Variants in FNTB observed in about 807,000 individuals in gnomAD.
FNTB encodes protein farnesyltransferase subunit beta.
FNTB carries 27 observed loss-of-function variants against 59.4 expected under a neutral mutation model. The ratio of observed to expected loss-of-function variants is 0.45; its 90% confidence interval spans 0.34 to 0.63. FNTB has a LOEUF of 0.63. Ranked by LOEUF, FNTB falls within the 20% of genes least tolerant of loss-of-function variation. FNTB has a pLI of 0.02. For missense variants in FNTB, 449 were observed against 559.6 expected, an observed-to-expected ratio of 0.80 and a Z score of 1.99; for synonymous variants, 230 against 220.7, an observed-to-expected ratio of 1.04 and a Z score of -0.37.
At chr14:65,057,569 C>T (rs548736838) in intron 11 of FNTB, among the ~76,000 whole-genome samples, 2 of 152,226 alleles carry the variant, frequency 1.3e-5, no homozygotes, top group African/African-American at 2.4e-5. Flanking sequence ...GGGAAGCAGA[C>T]AAAAGGAGGC....
At chr14:64,988,230 C>T (rs1322899456) in intron 1 of FNTB, among the ~76,000 whole-genome samples, 2 of 152,120 alleles carry the variant, frequency 1.3e-5, no homozygotes, top group Admixed American at 1.3e-4. Flanking sequence ...TTTAGGGTAG[C>T]AAAGGAAATC....
At position 65,012,402 on chromosome 14, in the gene FNTB, C is replaced by T. The variant is rs1194230006; in HGVS notation, c.282+13C>T. ...AGATGCCTATGAGGTAAACACATTA[C>T]CCAGGAACTCTTGCTGTCAAATTAT... is the stretch of plus-strand genomic sequence containing the variant. On this transcript the variant is annotated intron_variant, in intron 3 of 11. Transcript: ENST00000246166. This position sits in a 1 kb window ranked among gnomAD's most constrained non-coding sequence, Gnocchi z 5.0. The T allele has an allele frequency of 6.2e-7, 1 of 1,613,876 alleles. No individual in the cohort carries two copies. The highest frequency in any genetic ancestry group is 2.2e-5 in the East Asian group (1 of 44,890).
chr14:65,039,404 T>G (rs1244438134), intron 7 of FNTB, among the ~76,000 whole-genome samples: 1 of 152,230 alleles, frequency 6.6e-6, no homozygotes, highest in Non-Finnish European at 1.5e-5. Flanking sequence ...TCAGATCCTT[T>G]TGATTAAACC....
intron 11 of FNTB, among the ~76,000 whole-genome samples, chr14:65,058,540 A>G (rs8007110): frequency 0.23 from 34,742 of 152,102 alleles, 7,253 homozygotes; most frequent in African/African-American, 0.56. Flanking sequence ...GCTCCTGATT[A>G]TAATGGGAAG....
At position 65,061,362 on chromosome 14, in the gene FNTB, A is replaced by C. The variant is rs1336503907; in HGVS notation, c.*50A>C. 1 of 1,611,060 alleles carries C rather than the reference A, an allele frequency of 6.2e-7. No individual in the cohort carries two copies. Among genetic ancestry groups the C allele is most frequent in the South Asian group, 1.1e-5 (1 of 90,870 alleles). ...TGCTCACCCATCTCCCCAGTCAGAC[A>C]AGGTTTATACGTTTCAATACATACT... On this transcript the variant is annotated 3_prime_UTR_variant, in exon 12 of 12. Transcript: ENST00000246166.
rs548489539 is a variant in FNTB, at chr14:65,002,244, G to C, written c.145-2005G>C. Among the ~76,000 whole-genome samples, 8 of 152,330 alleles carry C rather than the reference G, an allele frequency of 5.3e-5. No homozygotes were observed. The South Asian group carries it at 1.7e-3, about 32-fold the overall frequency. Reference sequence around the variant, plus strand: ...AGACGCTCCCTCATTACTATACCTTGTATACAGGAGCTCTCCCATGAGACC... The same window carrying C: ...AGACGCTCCCTCATTACTATACCTTCTATACAGGAGCTCTCCCATGAGACC... On this transcript the variant is annotated intron_variant, in intron 1 of 11. Transcript: ENST00000246166.
chr14:65,052,351 G>A (rs1201751100), intron 9 of FNTB, among the ~76,000 whole-genome samples: 1 of 152,124 alleles, frequency 6.6e-6, no homozygotes, highest in Admixed American at 6.5e-5. Flanking sequence ...TAGCTTTCAG[G>A]TGCCATTTAC....
intron 7 of FNTB, among the ~76,000 whole-genome samples, chr14:65,035,203 C>G (rs1472023321): frequency 6.6e-6 from 1 of 152,192 alleles, no homozygotes; most frequent in African/African-American, 2.4e-5. Flanking sequence ...TGACCCCTGA[C>G]CCCTGGCCTG....
intron 2 of FNTB, chr14:65,006,156 C>CTTTTTTTTTTTTTTT: frequency 6.7e-7 from 1 of 1,500,752 alleles, no homozygotes; most frequent in Non-Finnish European, 8.9e-7. Context: ...ACCTTTGTGT[C>CTTTTTTTTTTTTTTT]TTTTTTTTTT....
chr14:65,051,102 A>T (rs960597157), intron 9 of FNTB, among the ~76,000 whole-genome samples: 3 of 152,196 alleles, frequency 2.0e-5, no homozygotes, highest in Non-Finnish European at 4.4e-5. Context: ...GGGAGATTGG[A>T]TGCTTCTCCT....
At chr14:65,038,815 T>C (rs2062275380) in intron 7 of FNTB, among the ~76,000 whole-genome samples, 1 of 152,230 alleles carries the variant, frequency 6.6e-6, no homozygotes, top group Non-Finnish European at 1.5e-5. Flanking sequence ...TTAGTATTTA[T>C]CTTCTAATCC....
At chr14:65,013,557 T>C (rs1399544680) in intron 3 of FNTB, among the ~76,000 whole-genome samples, 1 of 152,194 alleles carries the variant, frequency 6.6e-6, no homozygotes, top group Admixed American at 6.5e-5. Context: ...ATGCATTCTC[T>C]CATAATTTAT....
rs1012820475 is a variant in FNTB at position 65,054,478 on chromosome 14, C to T, written c.1068-97C>T. 1.7e-5 allele frequency: 20 copies of T among 1,207,126 alleles called. No homozygotes were observed. In the African/African-American group the frequency reaches 1.7e-4, roughly 10 times the overall value. 74.8% of individuals were successfully genotyped at this position (1,207,126 alleles called of 1,614,324 possible). On this transcript the variant is annotated intron_variant, in intron 10 of 11. Transcript: ENST00000246166. The surrounding 1 kb of genome is among the most constrained non-coding windows in gnomAD (Gnocchi z 4.4). Reference sequence around the variant, plus strand: ...TAGCCACATGGAGGATGGGGGGGGACGTGTGATTGCACCAGTGGTCTCTGA... The same window carrying T: ...TAGCCACATGGAGGATGGGGGGGGATGTGTGATTGCACCAGTGGTCTCTGA...
chr14:64,995,120 C>T (rs1888344780), intron 1 of FNTB, among the ~76,000 whole-genome samples: 1 of 152,110 alleles, frequency 6.6e-6, no homozygotes, highest in African/African-American at 2.4e-5. Flanking sequence ...ACACATTAGC[C>T]TGGACCTAGA....
chr14:64,989,387 G>A (rs1024109549), intron 1 of FNTB, among the ~76,000 whole-genome samples: 1 of 151,618 alleles, frequency 6.6e-6, no homozygotes, highest in Non-Finnish European at 1.5e-5. Flanking sequence ...TCACAGATGA[G>A]CCATGATCGA....
At chr14:64,987,240 C>G in intron 1 of FNTB, 143 bp downstream of exon 1, 2 of 1,013,872 alleles carry the variant, frequency 2.0e-6, no homozygotes, top group South Asian at 3.1e-5. Context: ...TGGGAAGCTC[C>G]GGGCGCCCAG....
chr14:65,023,391 C>A lies in FNTB; in HGVS notation c.375-4062C>A, dbSNP rs1384365291. 1.3e-5 allele frequency among the ~76,000 whole-genome samples: 2 copies of A among 152,126 alleles called. No individual in the cohort carries two copies. Among genetic ancestry groups the A allele is most frequent in the Non-Finnish European group, 2.9e-5 (2 of 68,026 alleles). On this transcript the variant is annotated intron_variant, in intron 4 of 11. Transcript: ENST00000246166. The surrounding 1 kb of genome is among the most constrained non-coding windows in gnomAD (Gnocchi z 4.1). The stretch of plus-strand genomic sequence containing the variant: ...ACTTTAGATCAGTCCTCAGCCATCA[C>A]CTAAGAGTCCCAAGTAAACTCCTTA...
chr14:65,026,017 A>T (rs1171518535), intron 4 of FNTB, among the ~76,000 whole-genome samples: 1 of 152,228 alleles, frequency 6.6e-6, no homozygotes, highest in Non-Finnish European at 1.5e-5. Context: ...AATCGAAAGC[A>T]ATTAAATGTG....
chr14:65,034,475 A>G (rs1317352787), intron 7 of FNTB, among the ~76,000 whole-genome samples: 1 of 152,352 alleles, frequency 6.6e-6, no homozygotes, highest in East Asian at 1.9e-4. Context: ...GCAATGGTAT[A>G]AACTGTAGTC....
Sources: allele counts gnomAD v4.1 joint callset (sites outside exome capture counted in the v4.1 genomes callset), GRCh38; gene constraint gnomAD v4.1.1; non-coding constraint Gnocchi (gnomAD v3.1); transcripts MANE v1.5; gene names NCBI Gene and HGNC (gene_info 2026-07-23, HGNC 2026-07-21).